GRK5: variants seen among roughly 807,000 people sequenced by gnomAD.
GRK5 encodes the protein G protein-coupled receptor kinase 5, also known as g protein-coupled receptor kinase GRK5.
GRK5 carries 40 observed loss-of-function variants against 78.4 expected under a neutral mutation model. That is an observed-to-expected ratio of 0.51 (90% CI 0.40 to 0.66). GRK5 has a LOEUF of 0.66. GRK5 is among the 30% of genes least tolerant of loss of function. The pLI is 0.00. For synonymous variants in GRK5, 289 were observed against 296.8 expected (o/e 0.97, Z 0.27); for missense variants, 598 against 759.9 (o/e 0.79, Z 2.50).
chr10:119,254,105 C>T (rs936267530), intron 1 of GRK5, among the ~76,000 whole-genome samples: 10 of 152,184 alleles, frequency 6.6e-5, no homozygotes, highest in African/African-American at 9.7e-5. Context: ...CCTGCTGGGC[C>T]GGTGACTGTC....
chr10:119,306,836 G>C (rs1850279171), intron 1 of GRK5, among the ~76,000 whole-genome samples: 2 of 152,086 alleles, frequency 1.3e-5, no homozygotes, highest in Admixed American at 1.3e-4. Flanking sequence ...AGCGTCTACT[G>C]GGTGCAGGGC....
At chr10:119,318,193 AAG>A (rs2133751474) in intron 1 of GRK5, among the ~76,000 whole-genome samples, 1 of 152,338 alleles carries the variant, frequency 6.6e-6, no homozygotes, top group East Asian at 1.9e-4. Flanking sequence ...ACATTAGACT[AAG>A]AGTCAGAACA....
intron 2 of GRK5, among the ~76,000 whole-genome samples, chr10:119,351,092 T>C (rs1350767311): frequency 6.6e-6 from 1 of 152,156 alleles, no homozygotes; most frequent in Non-Finnish European, 1.5e-5. Flanking sequence ...GTCAGAATCA[T>C]GTTAGGAAGT....
chr10:119,219,627 A>G (rs964695797), intron 1 of GRK5, among the ~76,000 whole-genome samples: 61 of 152,346 alleles, frequency 4.0e-4, no homozygotes, highest in African/African-American at 1.4e-3. Flanking sequence ...CATGGTTAAG[A>G]AAGGTTAACT....
chr10:119,388,383 C>G (rs893978090), intron 3 of GRK5, among the ~76,000 whole-genome samples: 4 of 152,350 alleles, frequency 2.6e-5, no homozygotes, highest in Non-Finnish European at 4.4e-5. Context: ...TTTGCCCAGG[C>G]TGCAGTACAG....
intron 4 of GRK5, among the ~76,000 whole-genome samples, chr10:119,417,595 C>G (rs970158031): frequency 2.6e-5 from 4 of 152,160 alleles, no homozygotes; most frequent in Non-Finnish European, 5.9e-5. Context: ...GCCTCCCGTG[C>G]ATTGAATCGT....
chr10:119,221,062 GAGAGAAT>G (rs1282343544), intron 1 of GRK5, among the ~76,000 whole-genome samples: 2 of 145,534 alleles, frequency 1.4e-5, no homozygotes, highest in Non-Finnish European at 3.0e-5. Flanking sequence ...AGGCTGAAGG[GAGAGAAT>G]GGCGTGAACC....
chr10:119,243,439 T>C (rs536335092), intron 1 of GRK5, among the ~76,000 whole-genome samples: 3 of 152,306 alleles, frequency 2.0e-5, no homozygotes, highest in South Asian at 4.1e-4. Flanking sequence ...TTAGAAACCC[T>C]TTGACAGCAA....
chr10:119,367,378 C>G (rs1357452303), intron 2 of GRK5, among the ~76,000 whole-genome samples: 1 of 152,146 alleles, frequency 6.6e-6, no homozygotes, highest in East Asian at 1.9e-4. Context: ...GAAGCCTAGC[C>G]CTTCTTGAGT....
At chr10:119,275,587 G>T (rs10629854) in intron 1 of GRK5, among the ~76,000 whole-genome samples, 5 of 130,634 alleles carry the variant, frequency 3.8e-5, no homozygotes, top group Admixed American at 8.1e-5. Flanking sequence ...GCGTGTGCAC[G>T]CTCTCTCTCT....
intron 4 of GRK5, among the ~76,000 whole-genome samples, chr10:119,422,961 A>G (rs1348518997): frequency 6.6e-6 from 1 of 152,092 alleles, no homozygotes; most frequent in African/African-American, 2.4e-5. Context: ...CAGCTCAGCC[A>G]CCTCCCCAAA....
At chr10:119,326,803 C>T (rs1378780673) in intron 2 of GRK5, among the ~76,000 whole-genome samples, 192 bp downstream of exon 2, 1 of 152,246 alleles carries the variant, frequency 6.6e-6, no homozygotes, top group African/African-American at 2.4e-5. Context: ...CATAAACAGG[C>T]AACCAGTATT....
chr10:119,314,804 G>A (rs1394241153), intron 1 of GRK5, among the ~76,000 whole-genome samples: 4 of 152,208 alleles, frequency 2.6e-5, no homozygotes, highest in Admixed American at 6.5e-5. Flanking sequence ...CTGGGGCAGC[G>A]TAGTAATGGA....
chr10:119,447,384 C>A (rs867941839), intron 12 of GRK5, among the ~76,000 whole-genome samples: 48 of 152,318 alleles, frequency 3.2e-4, no homozygotes, highest in Non-Finnish European at 4.3e-4. Context: ...CTTGACCCAT[C>A]TCTGCACCCT....
At chr10:119,383,606 G>A (rs1228691900) in intron 3 of GRK5, among the ~76,000 whole-genome samples, 2 of 152,216 alleles carry the variant, frequency 1.3e-5, no homozygotes, top group South Asian at 4.1e-4. Context: ...TCCAGTAGCA[G>A]TAACTATTTT....
intron 1 of GRK5, among the ~76,000 whole-genome samples, chr10:119,292,458 T>C (rs1240354526): frequency 6.6e-6 from 1 of 152,064 alleles, no homozygotes; most frequent in Admixed American, 6.6e-5. Context: ...TATTTTGGGG[T>C]CTTTCAGATA....
intron 1 of GRK5, among the ~76,000 whole-genome samples, chr10:119,215,670 C>T (rs1848560116): frequency 6.6e-6 from 1 of 152,096 alleles, no homozygotes; most frequent in African/African-American, 2.4e-5. Flanking sequence ...TATCCTCCCC[C>T]ACCCCCTTTT....
intron 6 of GRK5, among the ~76,000 whole-genome samples, chr10:119,429,607 T>C (rs1200905133): frequency 6.6e-6 from 1 of 151,058 alleles, no homozygotes; most frequent in Non-Finnish European, 1.5e-5. Flanking sequence ...TTCTGTCTGA[T>C]TCAATGTCAT....
At chr10:119,250,274 G>A (rs922478105) in intron 1 of GRK5, among the ~76,000 whole-genome samples, 2 of 152,192 alleles carry the variant, frequency 1.3e-5, no homozygotes, top group Admixed American at 1.3e-4. Context: ...AGGTCCTGAA[G>A]CTACTTGTGG....
Sources: gnomAD v4.1 joint callset for allele counts (sites outside exome capture counted in the v4.1 genomes callset) on GRCh38, gnomAD v4.1.1 for gene constraint, MANE v1.5 for transcripts, NCBI Gene and HGNC (gene_info 2026-07-23, HGNC 2026-07-21) for gene names.